The following KBTBD7 variants were observed in gnomAD, a reference collection of about 807,000 sequenced individuals.
KBTBD7 encodes kelch repeat and BTB domain containing 7.
A neutral mutation model predicts 50.3 loss-of-function variants in KBTBD7; 25 were observed. The ratio of observed to expected loss-of-function variants is 0.50; its 90% CI spans 0.36 to 0.69. KBTBD7 has a LOEUF of 0.69. Ranked by LOEUF, KBTBD7 falls within the 30% of genes least tolerant of loss-of-function variation. The probability of loss-of-function intolerance (pLI) is 0.00; values close to 1 mark genes in which losing one functional copy is unlikely to be tolerated. For synonymous variants in KBTBD7, 305 were observed against 325.3 expected, an observed-to-expected ratio of 0.94 and a Z score of 0.67; for missense variants, 653 against 869.5, an observed-to-expected ratio of 0.75 and a Z score of 3.13.
Position 41,194,403 on chromosome 13 carries a change from C to G in KBTBD7, c.-146G>C. ...GCCGCACTTCTGAATTCAGCCCTAT[C>G]CCGCGGTGAGGCCTCCCTTTATTGC... is the stretch of plus-strand genomic sequence containing the variant. On this transcript the variant is annotated 5_prime_UTR_variant, in exon 1 of 1. Transcript: ENST00000379483. The G allele has an allele frequency of 1.8e-6, 2 of 1,123,046 alleles. No homozygotes were observed. Among genetic ancestry groups the G allele is most frequent in the South Asian group, 3.2e-5 (2 of 61,910 alleles). 69.6% of individuals were successfully genotyped at this position (1,123,046 alleles called of 1,614,324 possible). A position where few individuals can be genotyped will look rare whatever the true frequency, so the allele number is the denominator to read the frequency against.
rs1038560064 is a variant in KBTBD7 at position 41,190,098 on chromosome 13, C to T, written c.*2105G>A. The T allele has an allele frequency of 3.2e-4, 48 of 152,290 alleles. No individual in the cohort carries two copies. Among genetic ancestry groups the T allele is most frequent in the African/African-American group, 1.1e-3 (44 of 41,564 alleles). The allele number at this position is 152,290 out of a possible 1,614,324, so 9.4% of individuals were successfully genotyped here. On this transcript the variant is annotated 3_prime_UTR_variant, in exon 1 of 1. Coordinates refer to ENST00000379483, the MANE Select transcript of KBTBD7 (RefSeq NM_032138.7). ...TACCTTAATTCTGCAGATGGATAAT[C>T]TGGTTGAGATAAGCATTGCCATCTC...
chr13:41,194,102 C>G lies in KBTBD7; in HGVS notation c.156G>C (p.Gln52His), dbSNP rs904052806. 1.2e-6 allele frequency: 2 copies of G among 1,614,240 alleles called. No individual in the cohort carries two copies. The highest frequency in any genetic ancestry group is 1.7e-6 in the Non-Finnish European group (2 of 1,180,052). ...DTAHSAALLAQLKSFYDARLL... is the reference protein window; with the variant it reads ...DTAHSAALLAHLKSFYDARLL... ...GCCGCGCGTCGTAGAAGGACTTGAG[C>G]TGTGCCAGCAGGGCTGCAGAATGGG... The change falls in exon 1 of 1, where the codon CAG becomes CAC. Residue 52 changes from glutamine (Q) to histidine (H), a missense_variant. Transcript: ENST00000379483.
At position 41,189,997 on chromosome 13, in the gene KBTBD7, G is replaced by A. The variant is rs2031347801; in HGVS notation, c.*2206C>T. ...AAGACATTCCCACTATTTAGACTAG[G>A]TTTTAACTCAAAGGTTAAGAACTCA... is the stretch of plus-strand genomic sequence containing the variant. On this transcript the variant is annotated 3_prime_UTR_variant, in exon 1 of 1. Transcript: ENST00000379483. 6.6e-6 allele frequency: 1 copy of A among 152,080 alleles called. No individual in the cohort carries two copies. Among genetic ancestry groups the A allele is most frequent in the Non-Finnish European group, 1.5e-5 (1 of 67,996 alleles). 9.4% of individuals were successfully genotyped at this position (152,080 alleles called of 1,614,324 possible).
Position 41,193,428 on chromosome 13 carries a change from T to A in KBTBD7, c.830A>T (p.Tyr277Phe). 10 of 1,614,096 alleles carry A rather than the reference T, an allele frequency of 6.2e-6. No individual in the cohort carries two copies. The highest frequency in any genetic ancestry group is 8.5e-6 in the Non-Finnish European group (10 of 1,179,984). The part of the protein sequence containing the change: ...WMHFTEEDQD[Y>F]LEGLLTKPIV... ...GGGCTTGGTCAGCAGCCCTTCTAAG[T>A]AGTCCTGATCTTCTTCAGTGAAGTG... Residue 277 changes from tyrosine to phenylalanine, a missense_variant, in exon 1 of 1, where the codon TAC becomes TTC. Tyr to Phe is a conservative substitution (Grantham distance 22, BLOSUM62 3). This residue lies in a region of KBTBD7 where 526 missense variants were observed against 717.1 expected (regional missense o/e 0.73). Coordinates refer to ENST00000379483, the MANE Select transcript of KBTBD7 (RefSeq NM_032138.7). This position sits in a 1 kb window ranked among gnomAD's most constrained non-coding sequence, Gnocchi z 5.7.
At position 41,193,582 on chromosome 13, in the gene KBTBD7, G is replaced by C; in HGVS notation, c.676C>G (p.Leu226Val). Residue 226 changes from leucine to valine, a missense_variant, in exon 1 of 1, where the codon CTA becomes GTA. By Grantham distance (32) the Leu-to-Val change is conservative. Transcript: ENST00000379483. This position sits in a 1 kb window ranked among gnomAD's most constrained non-coding sequence, Gnocchi z 5.7. ...TCTATGTCCAGACTATCCAGGCGTA[G>C]GACAGCCAGCAGCTGGGCCAGGGTT... ...DLTLAQLLAV[L>V]RLDSLDIESE... is the part of the protein sequence containing the mutation. The C allele has an allele frequency of 6.2e-7, 1 of 1,614,216 alleles. No homozygotes were observed. The highest frequency in any genetic ancestry group is 8.5e-7 in the Non-Finnish European group (1 of 1,180,038).
rs1206275963 is a variant in KBTBD7 at position 41,191,552 on chromosome 13, C to CTTTTTTTT, written c.*643_*650dup. Reference sequence around the variant, plus strand: ...TAAAACAGTGGAATCCTGATTTTTTCTTTTTTTTTTTTTTTTTTTTTACTT... The same window carrying CTTTTTTTT: ...TAAAACAGTGGAATCCTGATTTTTTCTTTTTTTTTTTTTTTTTTTTTTTTTTTTTACTT... On this transcript the variant is annotated 3_prime_UTR_variant, in exon 1 of 1. Coordinates refer to ENST00000379483, the MANE Select transcript of KBTBD7 (RefSeq NM_032138.7). The CTTTTTTTT allele has an allele frequency of 7.9e-5, 4 of 50,838 alleles. No homozygotes were observed. The highest frequency in any genetic ancestry group is 1.6e-4 in the African/African-American group (4 of 24,364). 3.1% of individuals were successfully genotyped at this position (50,838 alleles called of 1,614,324 possible).
At position 41,194,443 on chromosome 13, in the gene KBTBD7, A is replaced by C; in HGVS notation, c.-186T>G. The C allele has an allele frequency of 1.3e-6, 1 of 744,882 alleles. No individual in the cohort carries two copies. Among genetic ancestry groups the C allele is most frequent in the Non-Finnish European group, 2.2e-6 (1 of 462,052 alleles). The allele number at this position is 744,882 out of a possible 1,614,324, so 46.1% of individuals were successfully genotyped here. ...CCCTTTATTGCATAGACAGTGGCTG[A>C]CTCACCCTCTCTCACTCCCGCGCCC... On this transcript the variant is annotated 5_prime_UTR_variant, in exon 1 of 1. Coordinates refer to ENST00000379483, the MANE Select transcript of KBTBD7 (RefSeq NM_032138.7).
rs1454161270 is a variant in KBTBD7 at position 41,192,140 on chromosome 13, A to G, written c.*63T>C. On this transcript the variant is annotated 3_prime_UTR_variant, in exon 1 of 1. Transcript: ENST00000379483. ...ATCAACTTTTTTTCCAAGAAAAAGA[A>G]ACGATATGTGTTTAAAATACATTCC... The G allele has an allele frequency of 3.4e-6, 5 of 1,490,180 alleles. No homozygotes were observed. Among genetic ancestry groups the G allele is most frequent in the Non-Finnish European group, 4.5e-6 (5 of 1,108,244 alleles). The allele number at this position is 1,490,180 out of a possible 1,614,324, so 92.3% of individuals were successfully genotyped here. A position where few individuals can be genotyped will look rare whatever the true frequency, so the allele number is the denominator to read the frequency against.
chr13:41,194,495 G>A lies in KBTBD7; in HGVS notation c.-238C>T. 3.4e-6 allele frequency: 2 copies of A among 582,658 alleles called. No individual in the cohort carries two copies. Among genetic ancestry groups the A allele is most frequent in the South Asian group, 2.5e-5 (1 of 40,520 alleles). 36.1% of individuals were successfully genotyped at this position (582,658 alleles called of 1,614,324 possible). A position where few individuals can be genotyped will look rare whatever the true frequency, so the allele number is the denominator to read the frequency against. On this transcript the variant is annotated 5_prime_UTR_variant, in exon 1 of 1. Coordinates refer to ENST00000379483, the MANE Select transcript of KBTBD7 (RefSeq NM_032138.7). ...TTCTCCGCCTCCGCTCGCCCTCACA[G>A]GACCCGCTGGCTTGCAGCCGCGGAA...
rs1242044171 is a variant in KBTBD7 at position 41,191,397 on chromosome 13, T to G, written c.*806A>C. 6.6e-6 allele frequency: 1 copy of G among 151,494 alleles called. No homozygotes were observed. Among genetic ancestry groups the G allele is most frequent in the Non-Finnish European group, 1.5e-5 (1 of 67,756 alleles). The allele number at this position is 151,494 out of a possible 1,614,324, so 9.4% of individuals were successfully genotyped here. ...CATAAAAAGCAAGTTACCGTTTTTT[T>G]TTTTTTTTTTGGTTTAGAAGGGTGT... On this transcript the variant is annotated 3_prime_UTR_variant, in exon 1 of 1. Transcript: ENST00000379483.
Position 41,194,374 on chromosome 13 carries a change from A to C in KBTBD7, c.-117T>G. 1.5e-6 allele frequency: 2 copies of C among 1,348,430 alleles called. No individual in the cohort carries two copies. Among genetic ancestry groups the C allele is most frequent in the Non-Finnish European group, 2.0e-6 (2 of 994,920 alleles). The allele number at this position is 1,348,430 out of a possible 1,614,324, so 83.5% of individuals were successfully genotyped here. On this transcript the variant is annotated 5_prime_UTR_variant, in exon 1 of 1. Transcript: ENST00000379483. ...GCCGCGTCCTGGAACAGACTGCGGC[A>C]CGGGCCGCACTTCTGAATTCAGCCC... is the stretch of plus-strand genomic sequence containing the variant.
At position 41,192,542 on chromosome 13, in the gene KBTBD7, A is replaced by C; in HGVS notation, c.1716T>G (p.Thr572=). Residue 572 remains threonine, a synonymous_variant, in exon 1 of 1, where the codon ACT becomes ACG. Coordinates refer to ENST00000379483, the MANE Select transcript of KBTBD7 (RefSeq NM_032138.7). ...VNHDQKLLLI[T]STTPQWKKNR... ...TCTTTTTCCATTGTGGGGTTGTAGA[A>C]GTGATGAGAAGCAACTTTTGGTCAT... 2 of 1,614,216 alleles carry C rather than the reference A, an allele frequency of 1.2e-6. No individual in the cohort carries two copies. The highest frequency in any genetic ancestry group is 1.3e-5 in the African/African-American group (1 of 75,056).
At position 41,191,889 on chromosome 13, in the gene KBTBD7, T is replaced by A. The variant is rs2031397927; in HGVS notation, c.*314A>T. 1 of 217,248 alleles carries A rather than the reference T, an allele frequency of 4.6e-6. No individual in the cohort carries two copies. Among genetic ancestry groups the A allele is most frequent in the African/African-American group, 2.3e-5 (1 of 43,842 alleles). 13.5% of individuals were successfully genotyped at this position (217,248 alleles called of 1,614,324 possible). ...AAAAATTAACAGAAGACTGAATTAA[T>A]TAAAAAAAAAGCATACTAACTAATC... On this transcript the variant is annotated 3_prime_UTR_variant, in exon 1 of 1. Transcript: ENST00000379483.
rs1302959370 is a variant in KBTBD7 at position 41,190,588 on chromosome 13, T to A, written c.*1615A>T. On this transcript the variant is annotated 3_prime_UTR_variant, in exon 1 of 1. Transcript: ENST00000379483. ...TAAAGAATCAGGAAGATAATTCTAATTGGGTATAGAAAAATTTATACACCA... is the reference window on the plus strand; with the variant it reads ...TAAAGAATCAGGAAGATAATTCTAAATGGGTATAGAAAAATTTATACACCA... 1 of 152,190 alleles carries A rather than the reference T, an allele frequency of 6.6e-6. No homozygotes were observed. Among genetic ancestry groups the A allele is most frequent in the Non-Finnish European group, 1.5e-5 (1 of 68,002 alleles). The allele number at this position is 152,190 out of a possible 1,614,324, so 9.4% of individuals were successfully genotyped here. A position where few individuals can be genotyped will look rare whatever the true frequency, so the allele number is the denominator to read the frequency against.
chr13:41,193,410 G>A lies in KBTBD7; in HGVS notation c.848C>T (p.Thr283Ile). 1 of 1,613,860 alleles carries A rather than the reference G, an allele frequency of 6.2e-7. No individual in the cohort carries two copies. The highest frequency in any genetic ancestry group is 8.5e-7 in the Non-Finnish European group (1 of 1,179,810). Residue 283 changes from threonine to isoleucine, a missense_variant, in exon 1 of 1, where the codon ACC (threonine) becomes ATC (isoleucine). Physicochemically the swap from Thr to Ile is moderately conservative, Grantham distance 89 (BLOSUM62 -1). This residue lies in a region of KBTBD7 where 526 missense variants were observed against 717.1 expected (regional missense o/e 0.73). Transcript: ENST00000379483. This position sits in a 1 kb window ranked among gnomAD's most constrained non-coding sequence, Gnocchi z 5.7. ...GCAGTACTTCTTCACGATGGGCTTGGTCAGCAGCCCTTCTAAGTAGTCCTG... is the reference window on the plus strand; with the variant it reads ...GCAGTACTTCTTCACGATGGGCTTGATCAGCAGCCCTTCTAAGTAGTCCTG... ...EDQDYLEGLLTKPIVKKYCLD... is the reference protein window; with the variant it reads ...EDQDYLEGLLIKPIVKKYCLD...
Position 41,192,659 on chromosome 13 carries a change from G to A in KBTBD7, c.1599C>T (p.Val533=). 6.2e-7 allele frequency: 1 copy of A among 1,614,164 alleles called. No homozygotes were observed. Among genetic ancestry groups the A allele is most frequent in the Non-Finnish European group, 8.5e-7 (1 of 1,180,028 alleles). ...CCCTAGCTGGGTTGTAGACCTTCATGACTGGGATGTCACAGATACAATAGA... is the reference window on the plus strand; with the variant it reads ...CCCTAGCTGGGTTGTAGACCTTCATAACTGGGATGTCACAGATACAATAGA... ...DEIYCICDIP[V]MKVYNPARGE... The change falls in exon 1 of 1, where the codon GTC becomes GTT. Residue 533 remains valine, a synonymous_variant. Coordinates refer to ENST00000379483, the MANE Select transcript of KBTBD7 (RefSeq NM_032138.7).
chr13:41,192,409 G>C lies in KBTBD7; in HGVS notation c.1849C>G (p.Arg617Gly), dbSNP rs560790512. 6.2e-7 allele frequency: 1 copy of C among 1,614,140 alleles called. No individual in the cohort carries two copies. The highest frequency in any genetic ancestry group is 2.2e-5 in the East Asian group (1 of 44,876). Reference sequence around the variant, plus strand: ...GGTTCAAGGCAGGAAGGATAAACACGAGCACAAAGGCAAATAAAGCCAGAG... The same window carrying C: ...GGTTCAAGGCAGGAAGGATAAACACCAGCACAAAGGCAAATAAAGCCAGAG... Reference protein sequence around the residue: ...FDSGFICLCARVYPSCLEPGQ... With the variant: ...FDSGFICLCAGVYPSCLEPGQ... Residue 617 changes from arginine (R) to glycine (G), a missense_variant, in exon 1 of 1, where the codon CGT becomes GGT. Arg to Gly is a moderately radical substitution (Grantham distance 125). Around this residue, in one of 3 missense-constraint regions of KBTBD7, gnomAD observed 526 missense variants for 717.1 expected, o/e 0.73. Transcript: ENST00000379483.
rs1164793703 is a variant in KBTBD7, at chr13:41,194,535, G to T, written c.-278C>A. ...CAGCCGCGGAAGCCCCCACTGCCGC[G>T]CTGGCGATCCCGCTAGGCGCCCGGG... On this transcript the variant is annotated 5_prime_UTR_variant, in exon 1 of 1. Transcript: ENST00000379483. 1.5e-5 allele frequency: 8 copies of T among 526,436 alleles called. No individual in the cohort carries two copies. The highest frequency in any genetic ancestry group is 7.6e-5 in the African/African-American group (4 of 52,326). 32.6% of individuals were successfully genotyped at this position (526,436 alleles called of 1,614,324 possible). A position where few individuals can be genotyped will look rare whatever the true frequency, so the allele number is the denominator to read the frequency against.
Position 41,192,928 on chromosome 13 carries a change from C to G in KBTBD7, c.1330G>C (p.Asp444His). Residue 444 changes from aspartate (D) to histidine (H), a missense_variant, in exon 1 of 1, where the codon GAC becomes CAC. Physicochemically the swap from Asp to His is moderately conservative, Grantham distance 81. Coordinates refer to ENST00000379483, the MANE Select transcript of KBTBD7 (RefSeq NM_032138.7). ...NGYIYILGGR[D>H]PITGVKLKEV... is the part of the protein sequence containing the mutation. ...TTCAACTTAACTCCAGTAATAGGGT[C>G]TCGTCCCCCCAAAATGTAGATGTAG... 6.2e-7 allele frequency: 1 copy of G among 1,614,216 alleles called. No individual in the cohort carries two copies. The highest frequency in any genetic ancestry group is 8.5e-7 in the Non-Finnish European group (1 of 1,180,042).
Sources: allele counts gnomAD v4.1 joint callset, GRCh38; gene constraint gnomAD v4.1.1; regional missense constraint gnomAD v4.1.1; non-coding constraint Gnocchi (gnomAD v3.1); transcripts MANE v1.5; gene names NCBI Gene and HGNC (gene_info 2026-07-23, HGNC 2026-07-21).